Variants in MAD1L1 observed in about 807,000 individuals in gnomAD.
MAD1L1 encodes the protein mitotic arrest deficient 1 like 1, also known as mitotic spindle assembly checkpoint protein MAD1.
Under a neutral mutation model 96.9 loss-of-function variants are expected in MAD1L1, and 95 were observed. The observed-to-expected ratio is 0.98, with a 90% CI of 0.83 to 1.16. The LOEUF (loss-of-function observed/expected upper bound fraction) is 1.16. Ranked by LOEUF, MAD1L1 falls within the 50% of genes most tolerant of loss-of-function variation. The pLI is 0.00. For synonymous variants in MAD1L1, 473 were observed against 396.6 expected, an observed-to-expected ratio of 1.19 and a Z score of -2.29; for missense variants, 1,007 against 954.4, an observed-to-expected ratio of 1.06 and a Z score of -0.73.
At chr7:2,072,784 G>A (rs76101936) in intron 11 of MAD1L1, among the ~76,000 whole-genome samples, 12,379 of 152,256 alleles carry the variant, frequency 0.081, 1,614 homozygotes, top group African/African-American at 0.28. Context: ...GGCTGCGCTG[G>A]GAAGCACCCT....
chr7:1,938,824 AGGGCCG>A (rs1418911431), intron 16 of MAD1L1, among the ~76,000 whole-genome samples: 136 of 129,078 alleles, frequency 1.1e-3, no homozygotes, highest in African/African-American at 2.8e-3. Context: ...CACACGGGCC[AGGGCCG>A]GGGCCAGAGG....
chr7:2,109,739 T>A (rs1358617365), intron 11 of MAD1L1: 1 of 152,268 alleles, frequency 6.6e-6, no homozygotes, highest in Non-Finnish European at 1.5e-5. Context: ...ATGGCGAGTG[T>A]TGCAATAATA....
At chr7:1,860,498 G>C (rs1403732465) in intron 18 of MAD1L1, among the ~76,000 whole-genome samples, 1 of 152,154 alleles carries the variant, frequency 6.6e-6, no homozygotes, top group Non-Finnish European at 1.5e-5. Context: ...ATCCTGCAGG[G>C]CAGCCTCTGT....
In MAD1L1 at chr7:2,142,519, G is replaced by A. The variant is rs1000064833; in HGVS notation, c.1073+6633C>T. On this transcript the variant is annotated intron_variant, in intron 11 of 18. Transcript: ENST00000265854. This position sits in a 1 kb window ranked among gnomAD's most constrained non-coding sequence, Gnocchi z 4.7. ...TCACGCGGGTTCTCTGCTGCCGGAC[G>A]GAGCGCCCCTAGCTGCCACTGAGCC... Among the ~76,000 whole-genome samples, 8 of 152,330 alleles carry A rather than the reference G, an allele frequency of 5.3e-5. No individual in the cohort carries two copies. The highest frequency in any genetic ancestry group is 1.9e-4 in the East Asian group (1 of 5,186).
intron 17 of MAD1L1, among the ~76,000 whole-genome samples, chr7:1,931,124 T>G (rs1483458441): frequency 9.4e-6 from 1 of 106,722 alleles, no homozygotes; most frequent in Non-Finnish European, 2.0e-5. Context: ...GTCAAGGGTC[T>G]GCTGATGCTG....
At chr7:2,033,151 C>G (rs189245787) in intron 12 of MAD1L1, among the ~76,000 whole-genome samples, 1 of 152,260 alleles carries the variant, frequency 6.6e-6, no homozygotes, top group Non-Finnish European at 1.5e-5. Flanking sequence ...CCAGGCACCA[C>G]GTGCCAGGCC....
chr7:2,012,983 C>T (rs921415079), intron 13 of MAD1L1, among the ~76,000 whole-genome samples: 3 of 152,254 alleles, frequency 2.0e-5, no homozygotes, highest in Non-Finnish European at 4.4e-5. Flanking sequence ...GCCCATGCAG[C>T]GCAGCTCCCT....
At chr7:2,189,319 G>A (rs770899475) in intron 10 of MAD1L1, among the ~76,000 whole-genome samples, 3 of 152,230 alleles carry the variant, frequency 2.0e-5, no homozygotes, top group Non-Finnish European at 4.4e-5. Context: ...GAAAGCAGGG[G>A]CTCTAAGAGA....
chr7:2,060,829 T>G (rs1784631262), intron 12 of MAD1L1, among the ~76,000 whole-genome samples: 1 of 152,238 alleles, frequency 6.6e-6, no homozygotes, highest in African/African-American at 2.4e-5. Context: ...ACTGAGTATC[T>G]TCACAACTTT....
chr7:2,123,488 G>A (rs1385365864), intron 11 of MAD1L1, among the ~76,000 whole-genome samples: 1 of 152,088 alleles, frequency 6.6e-6, no homozygotes, highest in Non-Finnish European at 1.5e-5. Context: ...ACACCCGGTG[G>A]GCTCTGTTTG....
intron 17 of MAD1L1, among the ~76,000 whole-genome samples, chr7:1,904,231 A>T (rs1197215033): frequency 8.4e-5 from 8 of 94,794 alleles, no homozygotes; most frequent in Admixed American, 1.0e-4. Flanking sequence ...CTATTGAAGA[A>T]GCTCTTGCGG....
At chr7:2,029,283 A>G (rs548093575) in intron 12 of MAD1L1, among the ~76,000 whole-genome samples, 4 of 152,376 alleles carry the variant, frequency 2.6e-5, no homozygotes, top group African/African-American at 9.6e-5. Flanking sequence ...TAAGATAGAA[A>G]TGAAATAACA....
At chr7:2,051,539 A>T (rs1784169281) in intron 12 of MAD1L1, among the ~76,000 whole-genome samples, 1 of 152,142 alleles carries the variant, frequency 6.6e-6, no homozygotes, top group South Asian at 2.1e-4. Context: ...TTAGAAACTC[A>T]CACTTAATGC....
At chr7:2,084,368 C>A (rs1409368886) in intron 11 of MAD1L1, among the ~76,000 whole-genome samples, 6 of 152,242 alleles carry the variant, frequency 3.9e-5, no homozygotes, top group African/African-American at 1.4e-4. Flanking sequence ...CCATGACCTT[C>A]ACTTGCTGGG....
intron 17 of MAD1L1, among the ~76,000 whole-genome samples, chr7:1,929,118 G>C (rs1789276421): frequency 6.6e-6 from 1 of 152,148 alleles, no homozygotes; most frequent in Non-Finnish European, 1.5e-5. Flanking sequence ...ATTCCAGGCA[G>C]AGCAACTCTG....
At chr7:1,865,942 G>A (rs1428438836) in intron 18 of MAD1L1, among the ~76,000 whole-genome samples, 1 of 152,252 alleles carries the variant, frequency 6.6e-6, no homozygotes, top group Non-Finnish European at 1.5e-5. Flanking sequence ...CAGCGTGACA[G>A]GCACCATCGG....
chr7:1,869,099 C>T (rs975439331), intron 18 of MAD1L1, among the ~76,000 whole-genome samples: 2 of 152,154 alleles, frequency 1.3e-5, no homozygotes, highest in Admixed American at 6.5e-5. Context: ...AGGCCCGGGA[C>T]GGGAACATCC....
intron 10 of MAD1L1, among the ~76,000 whole-genome samples, chr7:2,173,855 G>A (rs1405396391): frequency 6.6e-6 from 1 of 152,208 alleles, no homozygotes; most frequent in Admixed American, 6.5e-5. Context: ...CTGGGGTGCA[G>A]TGGTATGGTC....
intron 11 of MAD1L1, among the ~76,000 whole-genome samples, chr7:2,098,956 G>A (rs573355586): frequency 6.6e-6 from 1 of 152,226 alleles, no homozygotes; most frequent in African/African-American, 2.4e-5. Flanking sequence ...AGGGCAGGTG[G>A]GAATTCTTAT....
Sources: gnomAD v4.1 joint callset for allele counts (sites outside exome capture counted in the v4.1 genomes callset) on GRCh38, gnomAD v4.1.1 for gene constraint, Gnocchi (gnomAD v3.1) non-coding constraint, MANE v1.5 for transcripts, NCBI Gene and HGNC (gene_info 2026-07-23, HGNC 2026-07-21) for gene names.